Variants in NHS observed in about 807,000 individuals in gnomAD.
NHS encodes the protein actin remodeling regulator NHS.
In NHS, 5 loss-of-function variants were observed where a neutral mutation model predicts 72.5. The observed-to-expected ratio is 0.07, with a 90% CI of 0.04 to 0.14. The LOEUF is 0.14. Among genes scored for constraint, NHS ranks in the 10% least tolerant of loss-of-function variants. The pLI is 1.00. For missense variants in NHS, 1,072 were observed against 1,355.7 expected (o/e 0.79, Z 3.29); for synonymous variants, 464 against 547.7 (o/e 0.85, Z 2.13).
chrX:17,515,669 A>G (rs1056375377), intron 1 of NHS, among the ~76,000 whole-genome samples: 2 of 112,419 alleles, frequency 1.8e-5, no homozygotes, highest in African/African-American at 6.5e-5. Flanking sequence ...TTGGATAATT[A>G]TAATGCTTAA....
chrX:17,532,601 T>G (rs1237477414), intron 1 of NHS, among the ~76,000 whole-genome samples: 2 of 111,503 alleles, frequency 1.8e-5, no homozygotes, highest in African/African-American at 6.5e-5. Flanking sequence ...TGAGATATGG[T>G]CTATAGAATG....
intron 1 of NHS, among the ~76,000 whole-genome samples, chrX:17,519,825 C>G (rs2065138987): frequency 9.1e-6 from 1 of 110,465 alleles, no homozygotes; most frequent in Non-Finnish European, 1.9e-5. Context: ...CCATCATCAT[C>G]ATCGTCATCA....
At chrX:17,635,352 G>A in intron 1 of NHS, 1 of 1,112,568 alleles carries the variant, frequency 9.0e-7, no homozygotes. Context: ...ACTTGGGTGA[G>A]ACCATCTCCC....
In NHS at chrX:17,378,620, G is replaced by C. The variant is rs1030352785; in HGVS notation, c.565+2298G>C. On this transcript the variant is annotated intron_variant, in intron 1 of 8. Coordinates refer to ENST00000676302, the MANE Select transcript of NHS (RefSeq NM_001291867.2). ...AAGGGTTCCCTGGAAGCACAGAGAG[G>C]GGGTAGGGAAGTGAGACAGGAAAGG... Among the ~76,000 whole-genome samples, 5 of 112,032 alleles carry C rather than the reference G, an allele frequency of 4.5e-5. No individual in the cohort carries two copies. In the East Asian group the frequency reaches 1.1e-3, roughly 25 times the overall value.
intron 1 of NHS, among the ~76,000 whole-genome samples, chrX:17,555,176 G>T (rs2065362768): frequency 9.1e-6 from 1 of 110,134 alleles, no homozygotes; most frequent in South Asian, 3.9e-4. Context: ...TTGATGCTGA[G>T]GGGGACTGTG....
intron 1 of NHS, among the ~76,000 whole-genome samples, chrX:17,560,183 T>C (rs1184035190): frequency 9.0e-6 from 1 of 111,510 alleles, no homozygotes; most frequent in African/African-American, 3.3e-5. Flanking sequence ...TATCTCGAGG[T>C]TGATATCAGA....
intron 3 of NHS, among the ~76,000 whole-genome samples, chrX:17,693,596 C>T (rs146339467): frequency 0.033 from 3,721 of 112,557 alleles, 128 homozygotes; most frequent in African/African-American, 0.11. Context: ...CAAAAACAGA[C>T]TTTATCTAAA....
intron 1 of NHS, among the ~76,000 whole-genome samples, chrX:17,439,002 A>C (rs1190268798): frequency 9.2e-6 from 1 of 108,638 alleles, no homozygotes; most frequent in Admixed American, 9.8e-5. Flanking sequence ...TAGGGACCTC[A>C]GTGAATTTCA....
intron 1 of NHS, among the ~76,000 whole-genome samples, chrX:17,432,798 A>G (rs1308984754): frequency 9.0e-6 from 1 of 111,268 alleles, no homozygotes; most frequent in Non-Finnish European, 1.9e-5. Flanking sequence ...ATGCAGAGAC[A>G]GTATCCCTCT....
At chrX:17,632,571 G>A (rs1402486182) in intron 1 of NHS, among the ~76,000 whole-genome samples, 1 of 104,868 alleles carries the variant, frequency 9.5e-6, no homozygotes, top group Non-Finnish European at 1.9e-5. Flanking sequence ...ACCGTTCTAG[G>A]CACTTGGGCT....
At chrX:17,408,442 A>G (rs886500266) in intron 1 of NHS, among the ~76,000 whole-genome samples, 1 of 111,714 alleles carries the variant, frequency 9.0e-6, no homozygotes, top group Non-Finnish European at 1.9e-5. Flanking sequence ...CAATGTGTTT[A>G]TTCTATGTGT....
chrX:17,594,820 A>C (rs2065618174), intron 1 of NHS, among the ~76,000 whole-genome samples: 1 of 112,704 alleles, frequency 8.9e-6, no homozygotes, highest in African/African-American at 3.2e-5. Flanking sequence ...GACTAGCTAC[A>C]GTGCAATCTC....
At chrX:17,678,787 T>C (rs1346855139) in intron 1 of NHS, among the ~76,000 whole-genome samples, 2 of 111,981 alleles carry the variant, frequency 1.8e-5, no homozygotes, top group African/African-American at 6.5e-5. Context: ...TACTACATAA[T>C]AGACATTTAA....
Position 17,727,150 on chromosome X carries a change from T to C in NHS, c.3044T>C (p.Leu1015Pro). The C allele has an allele frequency of 4.1e-6, 5 of 1,211,832 alleles. No homozygotes were observed. The South Asian group carries it at 5.3e-5, about 13-fold the overall frequency. ...TTTAAACTGGCTTCACCAGAAAAGC[T>C]GGCTGGCTTGGCATCTCCATCAAGT... is the stretch of plus-strand genomic sequence containing the variant. ...NEFKLASPEK[L>P]AGLASPSSGY... is the part of the protein sequence containing the mutation. Residue 1015 changes from leucine (L) to proline (P), a missense_variant, in exon 7 of 9, where the codon CTG (leucine) becomes CCG (proline). Leu to Pro is a moderately conservative substitution (Grantham distance 98). Transcript: ENST00000676302.
intron 2 of NHS, among the ~76,000 whole-genome samples, chrX:17,688,187 C>A (rs1179332571): frequency 8.9e-6 from 1 of 111,997 alleles, no homozygotes. Context: ...TAGAAGACAT[C>A]ATGAAGCAGT....
chrX:17,508,760 G>A (rs2065071480), intron 1 of NHS, among the ~76,000 whole-genome samples: 2 of 112,301 alleles, frequency 1.8e-5, no homozygotes, highest in African/African-American at 6.5e-5. Context: ...GTGAGCCACT[G>A]TGCCCGGCTC....
At chrX:17,420,305 C>T (rs923447188) in intron 1 of NHS, among the ~76,000 whole-genome samples, 3 of 111,842 alleles carry the variant, frequency 2.7e-5, no homozygotes, top group African/African-American at 9.8e-5. Flanking sequence ...TCCCTATCTG[C>T]TCATCCGTCC....
At chrX:17,381,874 A>G (rs2064379533) in intron 1 of NHS, among the ~76,000 whole-genome samples, 1 of 112,622 alleles carries the variant, frequency 8.9e-6, no homozygotes, top group Non-Finnish European at 1.9e-5. Flanking sequence ...GTACCAATTT[A>G]TAACCCTGGA....
chrX:17,642,238 G>A (rs1190142404), intron 1 of NHS, among the ~76,000 whole-genome samples: 5 of 112,240 alleles, frequency 4.5e-5, no homozygotes, highest in Admixed American at 1.9e-4. Flanking sequence ...GAGCCGCCAC[G>A]CTCGACCTAG....
Sources: gnomAD v4.1 joint callset for allele counts (sites outside exome capture counted in the v4.1 genomes callset) on GRCh38, gnomAD v4.1.1 for gene constraint, MANE v1.5 for transcripts, NCBI Gene and HGNC (gene_info 2026-07-23, HGNC 2026-07-21) for gene names.